Variants in PDCD6IP observed in about 807,000 individuals in gnomAD.
PDCD6IP encodes the protein programmed cell death 6-interacting protein.
A neutral mutation model predicts 103.7 loss-of-function variants in PDCD6IP; 43 were observed. That is an observed-to-expected ratio of 0.41 (90% CI 0.32 to 0.53). The LOEUF is 0.53. Ranked by LOEUF, PDCD6IP falls within the 20% of genes least tolerant of loss-of-function variation. The pLI, the probability that PDCD6IP is intolerant of heterozygous loss-of-function variation, is 0.16. For synonymous variants in PDCD6IP, 354 were observed against 378.7 expected, an observed-to-expected ratio of 0.93 and a Z score of 0.76; for missense variants, 871 against 1,036.7, an observed-to-expected ratio of 0.84 and a Z score of 2.20.
At chr3:33,805,807 C>T (rs184298908) in intron 1 of PDCD6IP, among the ~76,000 whole-genome samples, 6 of 151,688 alleles carry the variant, frequency 4.0e-5, no homozygotes, top group Admixed American at 1.3e-4. Flanking sequence ...TGCAGTGGCG[C>T]GATCTTGGCT....
intron 7 of PDCD6IP, among the ~76,000 whole-genome samples, chr3:33,835,469 C>G (rs1248213095): frequency 6.6e-6 from 1 of 152,184 alleles, no homozygotes; most frequent in Non-Finnish European, 1.5e-5. Context: ...GTAATCCCAG[C>G]ACTTTGGGAA....
At chr3:33,834,988 C>G (rs1466892320) in intron 7 of PDCD6IP, among the ~76,000 whole-genome samples, 1 of 151,936 alleles carries the variant, frequency 6.6e-6, no homozygotes, top group East Asian at 1.9e-4. Context: ...GTGTCAATTT[C>G]TCATTATAAT....
intron 15 of PDCD6IP, 31 bp from the exon 16 acceptor site, chr3:33,863,975 T>A (rs199823764): frequency 3.4e-6 from 5 of 1,457,188 alleles, no homozygotes; most frequent in Non-Finnish European, 4.8e-6. Context: ...TTTTCTATCA[T>A]GTTAATTTTT....
At chr3:33,808,350 T>G (rs1009876585) in intron 1 of PDCD6IP, among the ~76,000 whole-genome samples, 1 of 152,160 alleles carries the variant, frequency 6.6e-6, no homozygotes, top group African/African-American at 2.4e-5. Flanking sequence ...CACAGCTCAC[T>G]TCAGCCTTGA....
intron 12 of PDCD6IP, among the ~76,000 whole-genome samples, chr3:33,848,733 C>T (rs1016356390): frequency 6.6e-6 from 1 of 152,140 alleles, no homozygotes; most frequent in Admixed American, 6.6e-5. Context: ...TCATATTGTA[C>T]TTGGTGCTGT....
chr3:33,820,549 GA>G (rs376513757), intron 3 of PDCD6IP, among the ~76,000 whole-genome samples: 3 of 151,926 alleles, frequency 2.0e-5, no homozygotes, highest in African/African-American at 7.2e-5. Flanking sequence ...TGTACTAATT[GA>G]ACAACAATCC....
At chr3:33,805,337 A>G (rs544084405) in intron 1 of PDCD6IP, among the ~76,000 whole-genome samples, 34 of 151,204 alleles carry the variant, frequency 2.2e-4, no homozygotes, top group African/African-American at 7.5e-4. Context: ...CCTGGGCGAC[A>G]GAGTGAGATT....
chr3:33,856,847 A>G (rs1315787538), intron 15 of PDCD6IP, among the ~76,000 whole-genome samples: 5 of 152,198 alleles, frequency 3.3e-5, no homozygotes, highest in Non-Finnish European at 7.4e-5. Context: ...AAGATTTTAT[A>G]TCATATAGTA....
intron 5 of PDCD6IP, 136 bp downstream of exon 5, chr3:33,825,476 C>T (rs1028305435): frequency 1.1e-5 from 8 of 696,662 alleles, no homozygotes; most frequent in Non-Finnish European, 1.6e-5. Flanking sequence ...GGAAAATTTT[C>T]AGCTATCCTT....
At chr3:33,832,875 G>A (rs1326540502) in intron 7 of PDCD6IP, among the ~76,000 whole-genome samples, 1 of 151,942 alleles carries the variant, frequency 6.6e-6, no homozygotes, top group Admixed American at 6.6e-5. Flanking sequence ...TCTTGCATGT[G>A]TTTCTTCATA....
intron 16 of PDCD6IP, 54 bp downstream of exon 16, chr3:33,864,183 T>G: frequency 9.5e-7 from 1 of 1,050,832 alleles, no homozygotes; most frequent in Non-Finnish European, 1.5e-6. Flanking sequence ...CGATGATTAC[T>G]TGTTCTAACG....
Position 33,841,950 on chromosome 3 carries a change from C to T in PDCD6IP, c.1235C>T (p.Thr412Ile), listed in dbSNP as rs766703195. The change falls in exon 10 of 18, where the codon ACT (threonine) becomes ATT (isoleucine). Residue 412 changes from threonine to isoleucine, a missense_variant. Around this residue, in one of 5 missense-constraint regions of PDCD6IP, gnomAD observed 266 missense variants for 390.5 expected, o/e 0.68. Coordinates refer to ENST00000307296, the MANE Select transcript of PDCD6IP (RefSeq NM_013374.6). The part of the protein sequence containing the change: ...PAAIEDVSGD[T>I]VPQSILTKSR... ...GCAATTGAAGATGTGTCTGGAGACA[C>T]TGTACCTCAGTCTATATTGACTAAA... The T allele has an allele frequency of 6.3e-7, 1 of 1,582,008 alleles. No individual in the cohort carries two copies. The highest frequency in any genetic ancestry group is 8.7e-7 in the Non-Finnish European group (1 of 1,152,018).
chr3:33,826,331 G>A, intron 5 of PDCD6IP, 149 bp from the exon 6 acceptor site: 1 of 593,098 alleles, frequency 1.7e-6, no homozygotes. Flanking sequence ...AATCTATTTT[G>A]TCTGTTCTAA....
chr3:33,798,683 G>A lies in PDCD6IP; in HGVS notation c.-46G>A, dbSNP rs776725231. On this transcript the variant is annotated 5_prime_UTR_variant, in exon 1 of 18. Transcript: ENST00000307296. ...ACCTCTCTCTCCTCGGCCCTCGTAAGCTGTCCGCGGTCTGTTTGGCCCGAA... is the reference window on the plus strand; with the variant it reads ...ACCTCTCTCTCCTCGGCCCTCGTAAACTGTCCGCGGTCTGTTTGGCCCGAA... The A allele has an allele frequency of 3.4e-6, 5 of 1,478,954 alleles. No individual in the cohort carries two copies. Among genetic ancestry groups the A allele is most frequent in the South Asian group, 1.3e-5 (1 of 76,258 alleles). 91.6% of individuals were successfully genotyped at this position (1,478,954 alleles called of 1,614,324 possible).
chr3:33,803,977 A>C (rs1298526543), intron 1 of PDCD6IP, among the ~76,000 whole-genome samples: 1 of 152,092 alleles, frequency 6.6e-6, no homozygotes, highest in Non-Finnish European at 1.5e-5. Context: ...TTAATTTCTG[A>C]AATATTTTCT....
chr3:33,844,104 T>C lies in PDCD6IP; in HGVS notation c.1360-8T>C. On this transcript the variant is annotated splice_region_variant and splice_polypyrimidine_tract_variant and intron_variant, in intron 10 of 17. Coordinates refer to ENST00000307296, the MANE Select transcript of PDCD6IP (RefSeq NM_013374.6). ...ACATTTCAGGGTTCTTTTTGCTTCC[T>C]TTTAAAGTCATTAAGGTTGTTGGAT... 7 of 1,559,534 alleles carry C rather than the reference T, an allele frequency of 4.5e-6. No individual in the cohort carries two copies. The highest frequency in any genetic ancestry group is 1.4e-5 in the African/African-American group (1 of 72,640).
rs191988994 is a variant in PDCD6IP, at chr3:33,816,743, A to C, written c.334+3115A>C. ...ACAGTAAATGTGGGTTGCTCATTTC[A>C]GGAAATCTACAGTAAAGATTTGGGG... is the stretch of plus-strand genomic sequence containing the variant. On this transcript the variant is annotated intron_variant, in intron 3 of 17. Coordinates refer to ENST00000307296, the MANE Select transcript of PDCD6IP (RefSeq NM_013374.6). Among the ~76,000 whole-genome samples the C allele has an allele frequency of 2.2e-4, 34 of 152,288 alleles. No individual in the cohort carries two copies. The East Asian group carries it at 6.0e-3, about 27-fold the overall frequency.
At chr3:33,843,928 A>T (rs1697531559) in intron 10 of PDCD6IP, among the ~76,000 whole-genome samples, 184 bp from the exon 11 acceptor site, 1 of 145,792 alleles carries the variant, frequency 6.9e-6, no homozygotes, top group Non-Finnish European at 1.5e-5. Flanking sequence ...CCTTAAATTT[A>T]TAAGACTTTT....
intron 3 of PDCD6IP, among the ~76,000 whole-genome samples, chr3:33,821,308 C>T (rs1260013997): frequency 6.6e-6 from 1 of 152,070 alleles, no homozygotes; most frequent in Admixed American, 6.5e-5. Context: ...CCATGCCCAA[C>T]CACGAGTTTG....
Sources: gnomAD v4.1 joint callset for allele counts (sites outside exome capture counted in the v4.1 genomes callset) on GRCh38, gnomAD v4.1.1 for gene constraint, gnomAD v4.1.1 regional missense constraint, MANE v1.5 for transcripts, NCBI Gene and HGNC (gene_info 2026-07-23, HGNC 2026-07-21) for gene names.